GTF2A1L: variants seen among roughly 807,000 people sequenced by gnomAD.
GTF2A1L encodes TFIIA-alpha and beta-like factor.
GTF2A1L carries 48 observed loss-of-function variants against 49.7 expected under a neutral mutation model. That is an observed-to-expected ratio of 0.97 (90% CI 0.77 to 1.23). The LOEUF is 1.23. Among genes scored for constraint, GTF2A1L ranks in the 50% most tolerant of loss-of-function variants. GTF2A1L has a pLI of 0.00. For missense variants in GTF2A1L, 736 were observed against 564.8 expected (o/e 1.30, Z -3.07); for synonymous variants, 246 against 193.5 (o/e 1.27, Z -2.25).
intron 3 of GTF2A1L, among the ~76,000 whole-genome samples, chr2:48,637,927 C>T (rs745668973): frequency 2.6e-5 from 4 of 151,986 alleles, no homozygotes; most frequent in Non-Finnish European, 5.9e-5. Context: ...TAAAAATAAC[C>T]ATCAGAAACT....
At chr2:48,641,861 A>C (rs983009832) in intron 3 of GTF2A1L, among the ~76,000 whole-genome samples, 2 of 152,148 alleles carry the variant, frequency 1.3e-5, no homozygotes, top group Non-Finnish European at 2.9e-5. Flanking sequence ...TATTTTTAGC[A>C]ATTGTACCTG....
chr2:48,663,251 T>C (rs1258945904), intron 6 of GTF2A1L, among the ~76,000 whole-genome samples: 1 of 151,894 alleles, frequency 6.6e-6, no homozygotes, highest in Non-Finnish European at 1.5e-5. Flanking sequence ...CTAGGCAACA[T>C]TGCAAAACCC....
chr2:48,632,878 T>G (rs1676662687), intron 3 of GTF2A1L: 1 of 240,308 alleles, frequency 4.2e-6, no homozygotes, highest in Non-Finnish European at 8.3e-6. Flanking sequence ...CTAAACCATC[T>G]TTAAAGAAAA....
At chr2:48,622,786 A>G (rs912055096) in intron 3 of GTF2A1L, among the ~76,000 whole-genome samples, 2 of 151,490 alleles carry the variant, frequency 1.3e-5, no homozygotes, top group Admixed American at 6.6e-5. Context: ...GTGAGCTGAG[A>G]TCGCGCCACT....
At chr2:48,657,915 A>G (rs938456037) in intron 6 of GTF2A1L, among the ~76,000 whole-genome samples, 9 of 152,044 alleles carry the variant, frequency 5.9e-5, no homozygotes, top group Non-Finnish European at 1.2e-4. Context: ...TTTGAGAAGT[A>G]TCTGTTCATA....
chr2:48,663,825 T>C (rs957432918), intron 6 of GTF2A1L, among the ~76,000 whole-genome samples: 1 of 151,952 alleles, frequency 6.6e-6, no homozygotes, highest in African/African-American at 2.4e-5. Context: ...AGAGATAAGG[T>C]TGGTCTTGAA....
intron 3 of GTF2A1L, among the ~76,000 whole-genome samples, chr2:48,622,720 G>A (rs1038919556): frequency 6.6e-6 from 1 of 151,984 alleles, no homozygotes; most frequent in African/African-American, 2.4e-5. Flanking sequence ...TGTAATCCTA[G>A]CTACTTGGGA....
intron 8 of GTF2A1L, among the ~76,000 whole-genome samples, chr2:48,675,183 T>C (rs558570888): frequency 6.6e-6 from 1 of 152,192 alleles, no homozygotes; most frequent in Non-Finnish European, 1.5e-5. Context: ...TTTTATGGGC[T>C]TAGCACGCTT....
intron 6 of GTF2A1L, among the ~76,000 whole-genome samples, chr2:48,662,100 A>G (rs955152000): frequency 1.3e-5 from 2 of 152,164 alleles, no homozygotes; most frequent in Admixed American, 6.5e-5. Flanking sequence ...TTAGGCTTAT[A>G]ATAACCTGTT....
At chr2:48,666,051 C>G (rs1425656216) in intron 6 of GTF2A1L, among the ~76,000 whole-genome samples, 2 of 151,858 alleles carry the variant, frequency 1.3e-5, no homozygotes, top group East Asian at 3.9e-4. Flanking sequence ...TTTTATTTAT[C>G]TCTGATAATA....
At chr2:48,644,596 A>G (rs1250813209) in intron 4 of GTF2A1L, among the ~76,000 whole-genome samples, 1 of 152,174 alleles carries the variant, frequency 6.6e-6, no homozygotes, top group Non-Finnish European at 1.5e-5. Context: ...CATTTTTGGT[A>G]TATATATTGC....
intron 6 of GTF2A1L, among the ~76,000 whole-genome samples, chr2:48,650,112 A>G (rs1395080776): frequency 6.6e-6 from 1 of 152,220 alleles, no homozygotes; most frequent in East Asian, 1.9e-4. Flanking sequence ...TATGTCTGTC[A>G]TAATGTAGTT....
At chr2:48,671,782 T>A in intron 8 of GTF2A1L, 102 bp downstream of exon 8, 1 of 1,118,698 alleles carries the variant, frequency 8.9e-7, no homozygotes, top group Non-Finnish European at 1.3e-6. Flanking sequence ...ACTTCACAAT[T>A]AATCAAAACA....
At chr2:48,632,884 G>C (rs530153594) in intron 3 of GTF2A1L, 1 of 241,496 alleles carries the variant, frequency 4.1e-6, no homozygotes, top group Admixed American at 5.9e-5. Flanking sequence ...CATCTTTAAA[G>C]AAAATCATAT....
intron 6 of GTF2A1L, among the ~76,000 whole-genome samples, chr2:48,656,882 A>C (rs1288337205): frequency 6.6e-6 from 1 of 152,148 alleles, no homozygotes; most frequent in Non-Finnish European, 1.5e-5. Context: ...AGATGGTATA[A>C]ATTTAGGGTT....
At chr2:48,654,450 G>A (rs1678054878) in intron 6 of GTF2A1L, among the ~76,000 whole-genome samples, 1 of 152,058 alleles carries the variant, frequency 6.6e-6, no homozygotes, top group Admixed American at 6.6e-5. Context: ...CCAGGCTGGA[G>A]TACAGTGGTA....
chr2:48,621,893 G>C (rs1676019244), intron 3 of GTF2A1L, among the ~76,000 whole-genome samples: 1 of 152,180 alleles, frequency 6.6e-6, no homozygotes, highest in African/African-American at 2.4e-5. Context: ...GAAGGGACTA[G>C]CTAATAAAAG....
intron 3 of GTF2A1L, among the ~76,000 whole-genome samples, chr2:48,624,376 G>A (rs1289636201): frequency 6.9e-6 from 1 of 144,032 alleles, no homozygotes; most frequent in Non-Finnish European, 1.6e-5. Flanking sequence ...GCTTAATGAG[G>A]TTTGCAGAAA....
At chr2:48,655,898 T>C (rs139692369) in intron 6 of GTF2A1L, among the ~76,000 whole-genome samples, 109 of 152,284 alleles carry the variant, frequency 7.2e-4, no homozygotes, top group Non-Finnish European at 7.9e-4. Context: ...TTTCCATCTC[T>C]ATGAATTTGA....
Sources: allele counts gnomAD v4.1 joint callset (sites outside exome capture counted in the v4.1 genomes callset), GRCh38; gene constraint gnomAD v4.1.1; transcripts MANE v1.5; gene names NCBI Gene and HGNC (gene_info 2026-07-23, HGNC 2026-07-21).